USH2A: variants seen among roughly 807,000 people sequenced by gnomAD.
USH2A encodes the protein usherin.
USH2A carries 443 observed loss-of-function variants against 538.9 expected under a neutral mutation model. The ratio of observed to expected loss-of-function variants is 0.82; its 90% confidence interval spans 0.76 to 0.89. USH2A has a LOEUF of 0.89. Among genes scored for constraint, USH2A ranks in the 40% least tolerant of loss-of-function variants. USH2A has a pLI of 0.00. For missense variants in USH2A, 6,633 were observed against 6,324.8 expected, an observed-to-expected ratio of 1.05 and a Z score of -1.65; for synonymous variants, 2,413 against 2,273.5, an observed-to-expected ratio of 1.06 and a Z score of -1.75.
At chr1:216,186,268 T>G (rs1275016981) in intron 20 of USH2A, among the ~76,000 whole-genome samples, 1 of 151,636 alleles carries the variant, frequency 6.6e-6, no homozygotes, top group East Asian at 1.9e-4. Context: ...TATCTCCTCC[T>G]GCCGCTGCTC....
chr1:216,048,895 A>T (rs1233850510), intron 30 of USH2A, among the ~76,000 whole-genome samples: 1 of 152,208 alleles, frequency 6.6e-6, no homozygotes, highest in Non-Finnish European at 1.5e-5. Flanking sequence ...ACAGCATCTG[A>T]TGTTTCTCCC....
Position 215,817,104 on chromosome 1 carries a change from T to C in USH2A, c.9463A>G (p.Lys3155Glu). 3 of 1,612,934 alleles carry C rather than the reference T, an allele frequency of 1.9e-6. No homozygotes were observed. Among genetic ancestry groups the C allele is most frequent in the Non-Finnish European group, 2.5e-6 (3 of 1,179,122 alleles). Reference sequence around the variant, plus strand: ...TGATCCTGCACTAACTTTTGAGTTTTAGCGCATGGATACCATGTTTTCCAT... The same window carrying C: ...TGATCCTGCACTAACTTTTGAGTTTCAGCGCATGGATACCATGTTTTCCAT... ...LLWKTWYPCA[K>E]TQKLVQDQSD... The change falls in exon 48 of 72, where the codon AAA (lysine) becomes GAA (glutamate). Residue 3155 changes from lysine (K) to glutamate (E), a missense_variant. Physicochemically the swap from Lys to Glu is moderately conservative, Grantham distance 56 (BLOSUM62 1). Transcript: ENST00000307340.
chr1:216,208,135 CTG>C (rs2035158348), intron 15 of USH2A, among the ~76,000 whole-genome samples: 1 of 152,042 alleles, frequency 6.6e-6, no homozygotes, highest in Non-Finnish European at 1.5e-5. Flanking sequence ...TGTTCTGTCA[CTG>C]TAAATTTTTC....
At chr1:215,990,537 T>C (rs981666177) in intron 35 of USH2A, among the ~76,000 whole-genome samples, 4 of 152,142 alleles carry the variant, frequency 2.6e-5, no homozygotes, top group Non-Finnish European at 5.9e-5. Flanking sequence ...GTGGGAGTGT[T>C]TGACATATAC....
At chr1:216,029,503 A>C (rs1669041737) in intron 32 of USH2A, among the ~76,000 whole-genome samples, 3 of 151,994 alleles carry the variant, frequency 2.0e-5, no homozygotes, top group Admixed American at 2.0e-4. Context: ...TAGCCAGAAA[A>C]ATCAAAACCT....
intron 21 of USH2A, among the ~76,000 whole-genome samples, chr1:216,138,634 T>C (rs902942849): frequency 6.6e-6 from 1 of 152,202 alleles, no homozygotes; most frequent in Non-Finnish European, 1.5e-5. Flanking sequence ...ACCTGATCAC[T>C]TGATGGACTT....
chr1:215,667,084 C>T (rs1657628454), intron 64 of USH2A, among the ~76,000 whole-genome samples: 1 of 151,768 alleles, frequency 6.6e-6, no homozygotes, highest in African/African-American at 2.4e-5. Context: ...AGTGACATGC[C>T]ATCTCAAAAA....
At chr1:216,152,471 A>G (rs1174209439) in intron 21 of USH2A, among the ~76,000 whole-genome samples, 2 of 136,848 alleles carry the variant, frequency 1.5e-5, no homozygotes, top group African/African-American at 5.5e-5. Context: ...ACTCCTGCCC[A>G]CTGAGCACCT....
chr1:216,035,280 T>C (rs947745193), intron 32 of USH2A, among the ~76,000 whole-genome samples: 1 of 152,150 alleles, frequency 6.6e-6, no homozygotes. Flanking sequence ...CCAAATCCAA[T>C]ATGACTAGTG....
intron 38 of USH2A, among the ~76,000 whole-genome samples, chr1:215,930,021 A>G (rs929249786): frequency 1.3e-5 from 2 of 152,002 alleles, no homozygotes; most frequent in African/African-American, 2.4e-5. Flanking sequence ...TGGTTCTCTA[A>G]TAACACATTT....
rs1662880550 is a variant in USH2A, at chr1:215,817,118, C to T, written c.9449G>A (p.Trp3150Ter). ...ILGYDLLWKT[W>*]YPCAKTQKLV... Reference sequence around the variant, plus strand: ...CTTTTGAGTTTTAGCGCATGGATACCATGTTTTCCATAGGAGATCATATCC... The same window carrying T: ...CTTTTGAGTTTTAGCGCATGGATACTATGTTTTCCATAGGAGATCATATCC... Residue 3150 changes from tryptophan (W) to a stop codon, truncating the protein, a stop_gained, in exon 48 of 72, where the codon TGG becomes TAG. Coordinates refer to ENST00000307340, the MANE Select transcript of USH2A (RefSeq NM_206933.4). LOFTEE classifies it high-confidence loss of function. 6.2e-7 allele frequency: 1 copy of T among 1,612,764 alleles called. No homozygotes were observed. Among genetic ancestry groups the T allele is most frequent in the Non-Finnish European group, 8.5e-7 (1 of 1,179,084 alleles).
intron 58 of USH2A, among the ~76,000 whole-genome samples, chr1:215,746,865 A>T (rs1660487544): frequency 1.3e-5 from 2 of 152,148 alleles, no homozygotes; most frequent in African/African-American, 2.4e-5. Flanking sequence ...TATCACTTTG[A>T]TATGGAAAAT....
chr1:216,368,924 C>A (rs1384394760), intron 3 of USH2A, among the ~76,000 whole-genome samples: 2 of 152,124 alleles, frequency 1.3e-5, no homozygotes, highest in Non-Finnish European at 1.5e-5. Flanking sequence ...CCATTTTATG[C>A]ATTCAGAATA....
chr1:215,888,281 G>T, intron 41 of USH2A, 145 bp downstream of exon 41: 1 of 1,239,210 alleles, frequency 8.1e-7, no homozygotes, highest in Non-Finnish European at 1.1e-6. Context: ...GATAGTTTGG[G>T]CCAAAGGCCA....
At chr1:216,011,085 C>G (rs11120714) in intron 32 of USH2A, among the ~76,000 whole-genome samples, 92,047 of 151,410 alleles carry the variant, frequency 0.61, 28,359 homozygotes, top group East Asian at 0.74. Flanking sequence ...CCTTACAATT[C>G]CCCCATTTTA....
At chr1:215,944,261 C>T (rs1362319993) in intron 37 of USH2A, among the ~76,000 whole-genome samples, 1 of 152,214 alleles carries the variant, frequency 6.6e-6, no homozygotes, top group South Asian at 2.1e-4. Context: ...GTAATTATGG[C>T]AGAGACTATA....
intron 3 of USH2A, among the ~76,000 whole-genome samples, chr1:216,383,994 C>A (rs899371164): frequency 6.6e-6 from 1 of 151,616 alleles, no homozygotes; most frequent in African/African-American, 2.4e-5. Context: ...GGGCACCACA[C>A]CCAGCCTACA....
intron 35 of USH2A, among the ~76,000 whole-genome samples, chr1:215,988,327 C>T (rs7523540): frequency 0.014 from 2,154 of 152,232 alleles, 60 homozygotes; most frequent in African/African-American, 0.049. Context: ...CCATAATCTC[C>T]TCAAGTTTCA....
chr1:215,759,665 A>G lies in USH2A; in HGVS notation c.11226T>C (p.Asn3742=). 1 of 1,613,948 alleles carries G rather than the reference A, an allele frequency of 6.2e-7. No individual in the cohort carries two copies. The highest frequency in any genetic ancestry group is 8.5e-7 in the Non-Finnish European group (1 of 1,179,858). ...AAAGTTTTCTTTTAGTTTACCTGCT[A>G]TTGGGCTCCAGGTTTTTATCAGTGA... ...QNFTDKNLEP[N]SRYTYKLEVK... is the part of the protein sequence containing the mutation. The change falls in exon 57 of 72, where the codon AAT becomes AAC. Residue 3742 remains asparagine, a synonymous_variant. Coordinates refer to ENST00000307340, the MANE Select transcript of USH2A (RefSeq NM_206933.4).
Sources: gnomAD v4.1 joint callset for allele counts (sites outside exome capture counted in the v4.1 genomes callset) on GRCh38, gnomAD v4.1.1 for gene constraint, MANE v1.5 for transcripts, NCBI Gene and HGNC (gene_info 2026-07-23, HGNC 2026-07-21) for gene names.